The following GPC5 variants were observed in gnomAD, a reference collection of about 807,000 sequenced individuals.
GPC5 encodes glypican-5.
GPC5 carries 47 observed loss-of-function variants against 53.9 expected under a neutral mutation model. The observed-to-expected ratio is 0.87, with a 90% CI of 0.69 to 1.11. The LOEUF (loss-of-function observed/expected upper bound fraction) is 1.11, where lower values mean the gene tolerates loss of function less well. GPC5 is among the 50% of genes most tolerant of loss of function. The pLI, the probability that GPC5 is intolerant of heterozygous loss-of-function variation, is 0.00. For synonymous variants in GPC5, 286 were observed against 263.3 expected, an observed-to-expected ratio of 1.09 and a Z score of -0.84; for missense variants, 748 against 713.1, an observed-to-expected ratio of 1.05 and a Z score of -0.56.
At chr13:92,194,841 A>C (rs1224902403) in intron 7 of GPC5, among the ~76,000 whole-genome samples, 7 of 152,192 alleles carry the variant, frequency 4.6e-5, no homozygotes, top group Non-Finnish European at 1.0e-4. Flanking sequence ...TTGTAATCTA[A>C]GGTAGAGTGA....
intron 7 of GPC5, among the ~76,000 whole-genome samples, chr13:92,637,073 A>G (rs1885431519): frequency 6.6e-6 from 1 of 151,940 alleles, no homozygotes; most frequent in Admixed American, 6.6e-5. Flanking sequence ...CCCCACTCTC[A>G]CTGTACTGCC....
intron 2 of GPC5, among the ~76,000 whole-genome samples, chr13:91,636,050 T>C (rs2139450990): frequency 6.6e-6 from 1 of 152,204 alleles, no homozygotes. Flanking sequence ...TTTATTTATA[T>C]TTTTATTTAA....
chr13:91,714,055 C>T (rs1316261895), intron 3 of GPC5, among the ~76,000 whole-genome samples: 5 of 152,120 alleles, frequency 3.3e-5, no homozygotes, highest in Non-Finnish European at 7.4e-5. Flanking sequence ...CTGATTTTCT[C>T]AGGGTCTAAT....
At chr13:92,752,746 C>T (rs970385132) in intron 7 of GPC5, among the ~76,000 whole-genome samples, 4 of 152,102 alleles carry the variant, frequency 2.6e-5, no homozygotes, top group Non-Finnish European at 5.9e-5. Context: ...CCTGGAAAAT[C>T]GGGTCACTTC....
At chr13:91,710,315 C>A (rs185057568) in intron 3 of GPC5, among the ~76,000 whole-genome samples, 95 of 152,318 alleles carry the variant, frequency 6.2e-4, no homozygotes, top group Non-Finnish European at 1.0e-3. Context: ...CACTTCATAT[C>A]TTCCATGAGA....
chr13:92,698,968 AGCT>A (rs1423317002), intron 7 of GPC5, among the ~76,000 whole-genome samples: 1 of 151,402 alleles, frequency 6.6e-6, no homozygotes, highest in African/African-American at 2.4e-5. Context: ...AGTTAGGGAT[AGCT>A]GTTGTTTAGA....
intron 6 of GPC5, among the ~76,000 whole-genome samples, chr13:91,957,894 A>G (rs1185758886): frequency 2.6e-5 from 4 of 151,908 alleles, no homozygotes; most frequent in Non-Finnish European, 5.9e-5. Flanking sequence ...AAAGGAAAAG[A>G]AAAAACTCAA....
chr13:92,264,876 C>CTGTGTGTG (rs1357258483), intron 7 of GPC5, among the ~76,000 whole-genome samples: 514 of 119,232 alleles, frequency 4.3e-3, no homozygotes, highest in Non-Finnish European at 6.2e-3. Flanking sequence ...CTCTCTCTCT[C>CTGTGTGTG]TCTGTGTGTG....
intron 7 of GPC5, among the ~76,000 whole-genome samples, chr13:92,802,450 G>T (rs993917475): frequency 6.6e-6 from 1 of 151,234 alleles, no homozygotes; most frequent in African/African-American, 2.4e-5. Flanking sequence ...TTAAGTTCTA[G>T]GGTACATGTG....
At chr13:91,956,445 A>G (rs1196457182) in intron 6 of GPC5, among the ~76,000 whole-genome samples, 1 of 152,106 alleles carries the variant, frequency 6.6e-6, no homozygotes, top group East Asian at 1.9e-4. Context: ...GCCATGTCAT[A>G]CTGCCTAGAA....
At chr13:92,744,689 A>G (rs547849853) in intron 7 of GPC5, among the ~76,000 whole-genome samples, 1 of 152,230 alleles carries the variant, frequency 6.6e-6, no homozygotes, top group African/African-American at 2.4e-5. Flanking sequence ...TGATGAAATA[A>G]CGCTAATTGA....
intron 6 of GPC5, among the ~76,000 whole-genome samples, chr13:92,019,936 T>G (rs898669065): frequency 5.3e-5 from 8 of 152,114 alleles, no homozygotes; most frequent in Non-Finnish European, 8.8e-5. Context: ...ATCTTATAAT[T>G]CTGGAGATTG....
intron 6 of GPC5, among the ~76,000 whole-genome samples, chr13:91,968,543 C>A (rs1335508955): frequency 6.6e-6 from 1 of 152,056 alleles, no homozygotes; most frequent in African/African-American, 2.4e-5. Context: ...CTCACTGCAA[C>A]CTCCACCTCC....
chr13:92,851,297 C>A (rs920992057), intron 7 of GPC5, among the ~76,000 whole-genome samples: 6 of 149,450 alleles, frequency 4.0e-5, no homozygotes, highest in East Asian at 2.0e-4. Context: ...ACCTACCTAC[C>A]TATAAAAAAT....
At chr13:91,496,609 G>A (rs1884279658) in intron 2 of GPC5, among the ~76,000 whole-genome samples, 1 of 152,134 alleles carries the variant, frequency 6.6e-6, no homozygotes, top group African/African-American at 2.4e-5. Context: ...GAGATAAAAA[G>A]GATGGTTACC....
At chr13:92,044,302 A>C (rs1294038410) in intron 6 of GPC5, among the ~76,000 whole-genome samples, 2 of 152,148 alleles carry the variant, frequency 1.3e-5, no homozygotes, top group Non-Finnish European at 2.9e-5. Context: ...ACTAACCCAC[A>C]GGTTAAGTAA....
chr13:92,666,577 T>G (rs868567481), intron 7 of GPC5, among the ~76,000 whole-genome samples: 4 of 152,224 alleles, frequency 2.6e-5, no homozygotes, highest in Non-Finnish European at 5.9e-5. Context: ...TTTAGTAAAT[T>G]GATGTGTAAA....
intron 7 of GPC5, among the ~76,000 whole-genome samples, chr13:92,518,713 G>C (rs1308340068): frequency 6.6e-6 from 1 of 152,164 alleles, no homozygotes; most frequent in East Asian, 1.9e-4. Flanking sequence ...GGAAGAAACT[G>C]CATCAACTAA....
chr13:92,287,684 T>C (rs1171670665), intron 7 of GPC5, among the ~76,000 whole-genome samples: 3 of 152,160 alleles, frequency 2.0e-5, no homozygotes, highest in Non-Finnish European at 4.4e-5. Context: ...GTTGCTTTTC[T>C]TGCTGCTTTC....
Sources: allele counts gnomAD v4.1 joint callset (sites outside exome capture counted in the v4.1 genomes callset), GRCh38; gene constraint gnomAD v4.1.1; transcripts MANE v1.5; gene names NCBI Gene and HGNC (gene_info 2026-07-23, HGNC 2026-07-21).